ESRRG: variants seen among roughly 807,000 people sequenced by gnomAD.
The protein encoded by ESRRG is estrogen-related receptor gamma.
ESRRG carries 13 observed loss-of-function variants against 44.0 expected under a neutral mutation model. That is an observed-to-expected ratio of 0.30 (90% CI 0.19 to 0.47). The LOEUF (loss-of-function observed/expected upper bound fraction) is 0.47. ESRRG is among the 20% of genes least tolerant of loss of function. The pLI is 1.00. For synonymous variants in ESRRG, 215 were observed against 214.6 expected (o/e 1.00, Z -0.02); for missense variants, 395 against 580.6 (o/e 0.68, Z 3.29).
At chr1:216,743,617 A>G (rs534809999) in intron 2 of ESRRG, among the ~76,000 whole-genome samples, 90 of 152,288 alleles carry the variant, frequency 5.9e-4, no homozygotes, top group Middle Eastern at 3.4e-3. Context: ...GCTGTTAGCC[A>G]CTAAGTGCTC....
intron 3 of ESRRG, among the ~76,000 whole-genome samples, chr1:216,573,244 TC>T (rs2061135992): frequency 6.6e-6 from 1 of 151,972 alleles, no homozygotes; most frequent in Non-Finnish European, 1.5e-5. Flanking sequence ...AAATCCTTTA[TC>T]TTAAATATTA....
intron 2 of ESRRG, among the ~76,000 whole-genome samples, chr1:216,674,446 A>G (rs1243175279): frequency 6.6e-6 from 1 of 152,186 alleles, no homozygotes; most frequent in Non-Finnish European, 1.5e-5. Flanking sequence ...TGAGCCAGAA[A>G]TTATAAAGAT....
At chr1:216,932,723 T>A (rs1005027322) in intron 2 of ESRRG, among the ~76,000 whole-genome samples, 1 of 142,938 alleles carries the variant, frequency 7.0e-6, no homozygotes, top group African/African-American at 2.6e-5. Context: ...AAACTTGTTT[T>A]TTTTTTTTTT....
At chr1:217,010,141 AG>A (rs2078358344) in intron 1 of ESRRG, among the ~76,000 whole-genome samples, 1 of 152,176 alleles carries the variant, frequency 6.6e-6, no homozygotes, top group Non-Finnish European at 1.5e-5. Flanking sequence ...GCAAATCAGA[AG>A]TGCAGAGATG....
rs557021757 is a variant in ESRRG at position 216,820,893 on chromosome 1, C to T, written c.-14+118689G>A. Among the ~76,000 whole-genome samples the T allele has an allele frequency of 8.4e-4, 128 of 152,320 alleles. 1 individual carries two copies. Among genetic ancestry groups the T allele is most frequent in the Middle Eastern group, 3.4e-3 (1 of 294 alleles). On this transcript the variant is annotated intron_variant, in intron 2 of 7. Transcript: ENST00000359162. The stretch of plus-strand genomic sequence containing the variant: ...GTCTTCCCTTTCCTATGAAAGCATT[C>T]CTTCTCTTGTCTACTTATCCTCTTT...
intron 1 of ESRRG, among the ~76,000 whole-genome samples, chr1:217,011,941 C>T (rs1421521185): frequency 6.6e-6 from 1 of 152,116 alleles, no homozygotes; most frequent in South Asian, 2.1e-4. Flanking sequence ...TAGCTTGTAC[C>T]CCCTCTGCAG....
intron 2 of ESRRG, among the ~76,000 whole-genome samples, chr1:216,906,644 A>G (rs1433151739): frequency 6.6e-6 from 1 of 152,240 alleles, no homozygotes; most frequent in Non-Finnish European, 1.5e-5. Context: ...TAATGAAAAG[A>G]TTAATGTCAC....
chr1:216,792,367 C>T (rs1312229692), intron 2 of ESRRG, among the ~76,000 whole-genome samples: 1 of 152,168 alleles, frequency 6.6e-6, no homozygotes, highest in East Asian at 1.9e-4. Context: ...TCCTGTCCCT[C>T]TAGCTATTAC....
At chr1:216,518,410 G>A (rs10746363) in intron 6 of ESRRG, among the ~76,000 whole-genome samples, 76,348 of 151,952 alleles carry the variant, frequency 0.5, 20,258 homozygotes, top group East Asian at 0.72. Context: ...GTGACTGTCA[G>A]TGGTACATAG....
chr1:216,906,340 T>C (rs1457418404), intron 2 of ESRRG, among the ~76,000 whole-genome samples: 3 of 152,062 alleles, frequency 2.0e-5, no homozygotes, highest in African/African-American at 7.3e-5. Context: ...CAGAATATGC[T>C]CCTGAAAAAA....
At chr1:216,919,756 AT>A (rs1388917632) in intron 2 of ESRRG, among the ~76,000 whole-genome samples, 5 of 152,148 alleles carry the variant, frequency 3.3e-5, no homozygotes, top group African/African-American at 1.2e-4. Flanking sequence ...GTTAATTTGA[AT>A]TTTAAGCAGA....
intron 2 of ESRRG, among the ~76,000 whole-genome samples, chr1:216,901,904 C>T (rs1424133551): frequency 6.6e-6 from 1 of 152,116 alleles, no homozygotes; most frequent in Non-Finnish European, 1.5e-5. Context: ...AGGTATGCAC[C>T]ACCATGCCCA....
chr1:216,940,671 C>T (rs1353678121), intron 1 of ESRRG, among the ~76,000 whole-genome samples: 1 of 152,156 alleles, frequency 6.6e-6, no homozygotes. Context: ...GTGAACACCT[C>T]AAAGAGATGC....
intron 2 of ESRRG, among the ~76,000 whole-genome samples, chr1:216,837,600 C>A (rs1425876487): frequency 6.6e-6 from 1 of 151,998 alleles, no homozygotes; most frequent in East Asian, 1.9e-4. Context: ...GTCCAAAGAT[C>A]CCCTGGTCAT....
chr1:216,807,539 C>A (rs1319944450), intron 2 of ESRRG, among the ~76,000 whole-genome samples: 1 of 151,796 alleles, frequency 6.6e-6, no homozygotes, highest in Non-Finnish European at 1.5e-5. Context: ...ATAAAGGGGG[C>A]AATGTTTTTT....
chr1:217,095,545 A>T (rs2151557847), intron 1 of ESRRG, among the ~76,000 whole-genome samples: 1 of 152,280 alleles, frequency 6.6e-6, no homozygotes, highest in East Asian at 1.9e-4. Context: ...AGGGAGGAGG[A>T]ACTGGAGGGA....
At chr1:217,021,336 T>G (rs975560389) in intron 1 of ESRRG, among the ~76,000 whole-genome samples, 1 of 152,170 alleles carries the variant, frequency 6.6e-6, no homozygotes, top group East Asian at 1.9e-4. Context: ...TGGAGTTAAC[T>G]GGCTCCTGCA....
chr1:216,911,767 C>T (rs1455083457), intron 2 of ESRRG, among the ~76,000 whole-genome samples: 2 of 151,938 alleles, frequency 1.3e-5, no homozygotes, highest in East Asian at 1.9e-4. Context: ...AACCTAAAGT[C>T]TATTAAAAAA....
chr1:216,697,607 T>C (rs57330491), intron 1 of ESRRG, among the ~76,000 whole-genome samples: 1,576 of 152,322 alleles, frequency 0.01, 23 homozygotes, highest in African/African-American at 0.036. Flanking sequence ...AATGAGGTCT[T>C]TTTCCAAAGG....
Sources: gnomAD v4.1 joint callset for allele counts (sites outside exome capture counted in the v4.1 genomes callset) on GRCh38, gnomAD v4.1.1 for gene constraint, MANE v1.5 for transcripts, NCBI Gene and HGNC (gene_info 2026-07-23, HGNC 2026-07-21) for gene names.